The following TTLL11 variants were observed in gnomAD, a reference collection of about 807,000 sequenced individuals.
TTLL11 encodes the protein tubulin tyrosine ligase like 11.
A neutral mutation model predicts 51.7 loss-of-function variants in TTLL11; 42 were observed. That is an observed-to-expected ratio of 0.81 (90% CI 0.64 to 1.05). The LOEUF (loss-of-function observed/expected upper bound fraction) is 1.05, where lower values mean the gene tolerates loss of function less well. Among genes scored for constraint, TTLL11 ranks in the 50% least tolerant of loss-of-function variants. The pLI, the probability that TTLL11 is intolerant of heterozygous loss-of-function variation, is 0.00. For missense variants in TTLL11, 799 were observed against 940.4 expected (o/e 0.85, Z 1.97); for synonymous variants, 381 against 383.5 (o/e 0.99, Z 0.08).
chr9:121,825,181 C>T (rs1465674131), intron 8 of TTLL11, among the ~76,000 whole-genome samples: 1 of 152,170 alleles, frequency 6.6e-6, no homozygotes, highest in East Asian at 1.9e-4. Context: ...CCAGGCCTCT[C>T]ATAGGGTGGG....
intron 3 of TTLL11, among the ~76,000 whole-genome samples, chr9:122,028,291 C>G (rs1035017016): frequency 6.6e-6 from 1 of 152,140 alleles, no homozygotes; most frequent in Non-Finnish European, 1.5e-5. Flanking sequence ...ACACACAAAT[C>G]AAAAGGCAGA....
rs1335305344 is a variant in TTLL11 at position 121,822,781 on chromosome 9, G to T, written c.1939C>A (p.Leu647Ile). ...LHEQVASLID[L>I]CEYHLSLLDE... The stretch of plus-strand genomic sequence containing the variant: ...AGCAGGGACAGGTGGTACTCGCAAA[G>T]GTCAATCAGTGAGGCCACCTGCTCA... Residue 647 changes from leucine (L) to isoleucine (I), a missense_variant, in exon 9 of 9, where the codon CTT becomes ATT. Leu to Ile is a conservative substitution (Grantham distance 5). Around this residue, in one of 3 missense-constraint regions of TTLL11, gnomAD observed 165 missense variants for 166.1 expected, o/e 0.99. Coordinates refer to ENST00000321582, the MANE Select transcript of TTLL11 (RefSeq NM_001139442.2). This position sits in a 1 kb window ranked among gnomAD's most constrained non-coding sequence, Gnocchi z 5.8. The T allele has an allele frequency of 3.2e-6, 5 of 1,551,726 alleles. No individual in the cohort carries two copies. The highest frequency in any genetic ancestry group is 1.4e-5 in the African/African-American group (1 of 73,186).
At chr9:121,925,706 C>T (rs1840703749) in intron 6 of TTLL11, among the ~76,000 whole-genome samples, 1 of 152,224 alleles carries the variant, frequency 6.6e-6, no homozygotes, top group African/African-American at 2.4e-5. Context: ...GACTGCAAGT[C>T]AGCAGCAGGG....
At chr9:122,045,090 A>C (rs1360842068) in intron 1 of TTLL11, among the ~76,000 whole-genome samples, 1 of 152,092 alleles carries the variant, frequency 6.6e-6, no homozygotes, top group East Asian at 1.9e-4. Flanking sequence ...TAGATGATAG[A>C]GACCCTATCT....
intron 6 of TTLL11, among the ~76,000 whole-genome samples, chr9:121,884,087 T>G (rs574338188): frequency 3.3e-5 from 5 of 152,322 alleles, no homozygotes; most frequent in Admixed American, 1.3e-4. Flanking sequence ...CGATACAAGA[T>G]GGCTTAAAAA....
At chr9:122,016,606 T>C (rs1843990544) in intron 3 of TTLL11, among the ~76,000 whole-genome samples, 1 of 152,222 alleles carries the variant, frequency 6.6e-6, no homozygotes, top group South Asian at 2.1e-4. Flanking sequence ...CGTTGTTCTC[T>C]GGGGGTTTTT....
intron 8 of TTLL11, among the ~76,000 whole-genome samples, chr9:121,829,312 C>T (rs1473315872): frequency 6.6e-6 from 1 of 152,002 alleles, no homozygotes; most frequent in South Asian, 2.1e-4. Context: ...CCCAAATGGA[C>T]AAAGCACATG....
At chr9:121,934,725 T>C (rs962452989) in intron 6 of TTLL11, among the ~76,000 whole-genome samples, 1 of 152,204 alleles carries the variant, frequency 6.6e-6, no homozygotes, top group African/African-American at 2.4e-5. Context: ...ACAGCCTTAC[T>C]GCGCTTCGGT....
At position 121,995,947 on chromosome 9, in the gene TTLL11, G is replaced by A. The variant is rs1379584796; in HGVS notation, c.694-6177C>T. ...GGGAACCACGGGCCCGTGAGAAGTA[G>A]TGCCTGCCACTGTGCAGGCAAACAT... On this transcript the variant is annotated intron_variant, in intron 3 of 8. Coordinates refer to ENST00000321582, the MANE Select transcript of TTLL11 (RefSeq NM_001139442.2). This position sits in a 1 kb window ranked among gnomAD's most constrained non-coding sequence, Gnocchi z 4.4. Among the ~76,000 whole-genome samples, 4 of 152,200 alleles carry A rather than the reference G, an allele frequency of 2.6e-5. No individual in the cohort carries two copies. Among genetic ancestry groups the A allele is most frequent in the Admixed American group, 6.5e-5 (1 of 15,288 alleles).
chr9:122,010,238 T>C (rs1484136236), intron 3 of TTLL11, among the ~76,000 whole-genome samples: 3 of 152,194 alleles, frequency 2.0e-5, no homozygotes, highest in Non-Finnish European at 4.4e-5. Flanking sequence ...AAAGTTGTAT[T>C]AAGTGAAAAT....
intron 1 of TTLL11, among the ~76,000 whole-genome samples, chr9:122,091,149 T>A (rs1247092421): frequency 1.3e-5 from 2 of 152,202 alleles, no homozygotes; most frequent in East Asian, 3.9e-4. Flanking sequence ...AAACGAGATC[T>A]GGCCTGCTTT....
chr9:121,910,441 C>T (rs1045136910), intron 6 of TTLL11, among the ~76,000 whole-genome samples: 5 of 152,346 alleles, frequency 3.3e-5, no homozygotes, highest in South Asian at 2.1e-4. Flanking sequence ...AAAATGTCCC[C>T]GTATTTTGTG....
intron 1 of TTLL11, among the ~76,000 whole-genome samples, chr9:122,070,399 G>T (rs1845697712): frequency 6.6e-6 from 1 of 152,098 alleles, no homozygotes; most frequent in Non-Finnish European, 1.5e-5. Flanking sequence ...GCTAGGGAGG[G>T]CTTGAGGTGC....
chr9:122,070,707 A>G (rs1845704111), intron 1 of TTLL11, among the ~76,000 whole-genome samples: 1 of 152,172 alleles, frequency 6.6e-6, no homozygotes, highest in Admixed American at 6.5e-5. Context: ...ATGAAAGGGT[A>G]GCAAAGGCCA....
At chr9:121,871,728 G>A (rs1422907647) in intron 6 of TTLL11, among the ~76,000 whole-genome samples, 2 of 152,024 alleles carry the variant, frequency 1.3e-5, no homozygotes, top group Non-Finnish European at 2.9e-5. Context: ...AGTTCTTCCC[G>A]GGCCTCCTCA....
intron 6 of TTLL11, among the ~76,000 whole-genome samples, chr9:121,871,093 G>A (rs1349370145): frequency 6.6e-6 from 1 of 152,152 alleles, no homozygotes; most frequent in Non-Finnish European, 1.5e-5. Context: ...GGTAGTAATT[G>A]AATAATTAAG....
chr9:121,874,175 G>T (rs1023545451), intron 6 of TTLL11, among the ~76,000 whole-genome samples: 4 of 151,770 alleles, frequency 2.6e-5, no homozygotes, highest in African/African-American at 9.7e-5. Flanking sequence ...TAATTTTTAA[G>T]TTTTTTTTGT....
intron 8 of TTLL11, among the ~76,000 whole-genome samples, chr9:121,857,566 G>C (rs986090532): frequency 1.3e-5 from 2 of 152,236 alleles, no homozygotes; most frequent in Non-Finnish European, 2.9e-5. Context: ...CAAAACTGCT[G>C]TTACTACTAT....
At chr9:122,072,166 G>A (rs369006312) in intron 1 of TTLL11, among the ~76,000 whole-genome samples, 25 of 152,326 alleles carry the variant, frequency 1.6e-4, no homozygotes, top group African/African-American at 5.5e-4. Flanking sequence ...TTGAGCTCAA[G>A]AGTTCGAGGC....
Sources: allele counts gnomAD v4.1 joint callset (sites outside exome capture counted in the v4.1 genomes callset), GRCh38; gene constraint gnomAD v4.1.1; regional missense constraint gnomAD v4.1.1; non-coding constraint Gnocchi (gnomAD v3.1); transcripts MANE v1.5; gene names NCBI Gene and HGNC (gene_info 2026-07-23, HGNC 2026-07-21).